The following VIL1 variants were observed in gnomAD, a reference collection of about 807,000 sequenced individuals.
VIL1 encodes the protein villin 1, also known as villin-1.
A neutral mutation model predicts 104.0 loss-of-function variants in VIL1; 86 were observed. The observed-to-expected ratio is 0.83, with a 90% CI of 0.69 to 0.99. The LOEUF (loss-of-function observed/expected upper bound fraction) is 0.99. Ranked by LOEUF, VIL1 falls within the 50% of genes least tolerant of loss-of-function variation. The pLI, the probability that VIL1 is intolerant of heterozygous loss-of-function variation, is 0.00. For synonymous variants in VIL1, 394 were observed against 412.6 expected (o/e 0.95, Z 0.55); for missense variants, 944 against 1,054.1 (o/e 0.90, Z 1.45).
At chr2:218,446,978 G>T (rs972668557) in intron 19 of VIL1, among the ~76,000 whole-genome samples, 1 of 151,998 alleles carries the variant, frequency 6.6e-6, no homozygotes, top group African/African-American at 2.4e-5. Flanking sequence ...TGGTCAGGCT[G>T]GTCTCGAACT....
intron 19 of VIL1, among the ~76,000 whole-genome samples, chr2:218,448,282 T>C (rs1689399217): frequency 6.6e-6 from 1 of 150,784 alleles, no homozygotes; most frequent in Non-Finnish European, 1.5e-5. Flanking sequence ...CAAAAAACAA[T>C]GGCCAGGCAT....
chr2:218,450,553 CAAT>C lies in VIL1; in HGVS notation c.*1218_*1220del, dbSNP rs1190211733. On this transcript the variant is annotated 3_prime_UTR_variant, in exon 20 of 20. Coordinates refer to ENST00000248444, the MANE Select transcript of VIL1 (RefSeq NM_007127.3). ...TCTCTCCTTAAGTTTAAAGAAACAA[CAAT>C]GACAATAGGCCAGAGAAGTTAGGGA... 4 of 152,568 alleles carry C rather than the reference CAAT, an allele frequency of 2.6e-5. No individual in the cohort carries two copies. The highest frequency in any genetic ancestry group is 3.8e-4 in the East Asian group (2 of 5,208). The allele number at this position is 152,568 out of a possible 1,614,324, so 9.5% of individuals were successfully genotyped here.
chr2:218,430,711 C>G lies in VIL1; in HGVS notation c.949-14C>G. The G allele has an allele frequency of 6.4e-7, 1 of 1,567,672 alleles. No individual in the cohort carries two copies. The highest frequency in any genetic ancestry group is 8.7e-7 in the Non-Finnish European group (1 of 1,154,842). ...GGGAGGTGCATAGCTTCCAGCCACC[C>G]CTTTCTCTTCCAGAACTTCATCAAA... On this transcript the variant is annotated splice_polypyrimidine_tract_variant and intron_variant, in intron 9 of 19. Transcript: ENST00000248444.
At chr2:218,434,422 A>G (rs1689151631) in intron 13 of VIL1, 104 bp from the exon 14 acceptor site, 4 of 1,205,174 alleles carry the variant, frequency 3.3e-6, no homozygotes, top group Non-Finnish European at 3.5e-6. Flanking sequence ...AGAGGAGCTC[A>G]GGGGCAAACC....
chr2:218,445,257 C>T (rs1453985368), intron 19 of VIL1, among the ~76,000 whole-genome samples: 3 of 151,928 alleles, frequency 2.0e-5, no homozygotes, highest in Non-Finnish European at 2.9e-5. Flanking sequence ...AAAATTAGCC[C>T]GGTGTGGTGG....
chr2:218,443,356 C>T (rs1689314293), intron 19 of VIL1, among the ~76,000 whole-genome samples: 1 of 151,964 alleles, frequency 6.6e-6, no homozygotes, highest in Non-Finnish European at 1.5e-5. Flanking sequence ...CACCACCACG[C>T]CTGTCTAATT....
At chr2:218,444,810 G>A (rs1689339486) in intron 19 of VIL1, among the ~76,000 whole-genome samples, 1 of 152,206 alleles carries the variant, frequency 6.6e-6, no homozygotes, top group African/African-American at 2.4e-5. Context: ...ATGTAGGCAT[G>A]GGTGAGGCTG....
chr2:218,445,354 T>C (rs982262282), intron 19 of VIL1, among the ~76,000 whole-genome samples: 15 of 152,188 alleles, frequency 9.9e-5, no homozygotes. Context: ...TGATCTGTGA[T>C]TGTGTCACCA....
At chr2:218,428,365 C>T (rs745411653) in intron 6 of VIL1, 28 bp downstream of exon 6, 12 of 1,591,344 alleles carry the variant, frequency 7.5e-6, no homozygotes, top group African/African-American at 1.3e-5. Context: ...CCACACCTCC[C>T]TCTCGAATCC....
chr2:218,420,778 G>T (rs1383515737), intron 1 of VIL1, among the ~76,000 whole-genome samples: 1 of 151,980 alleles, frequency 6.6e-6, no homozygotes, highest in African/African-American at 2.4e-5. Flanking sequence ...GTAGAGACAG[G>T]GTTTCACCGT....
chr2:218,441,296 T>A (rs919491275), intron 19 of VIL1, among the ~76,000 whole-genome samples: 1 of 150,394 alleles, frequency 6.6e-6, no homozygotes, highest in Non-Finnish European at 1.5e-5. Flanking sequence ...GGCTGAGCCA[T>A]GAGAATTGCT....
At chr2:218,433,291 C>T (rs763678214) in intron 13 of VIL1, among the ~76,000 whole-genome samples, 3 of 151,920 alleles carry the variant, frequency 2.0e-5, no homozygotes, top group Non-Finnish European at 4.4e-5. Context: ...AAAAATTAGC[C>T]AGGCATGATG....
chr2:218,431,173 C>T (rs998527835), intron 10 of VIL1: 7 of 512,010 alleles, frequency 1.4e-5, no homozygotes, highest in Middle Eastern at 3.4e-4. Flanking sequence ...GGTGAAACCC[C>T]GTCTCTACTG....
intron 19 of VIL1, among the ~76,000 whole-genome samples, chr2:218,442,744 T>C (rs1272824524): frequency 4.6e-5 from 7 of 152,184 alleles, no homozygotes; most frequent in Admixed American, 4.6e-4. Context: ...AGTCATAAAG[T>C]AGTCTTACAA....
intron 18 of VIL1, 108 bp downstream of exon 18, chr2:218,438,834 C>T: frequency 1.2e-6 from 1 of 857,450 alleles, no homozygotes; most frequent in Non-Finnish European, 1.8e-6. Flanking sequence ...GCTTTCCCTC[C>T]TATTTCTCCC....
intron 1 of VIL1, among the ~76,000 whole-genome samples, chr2:218,419,857 G>GCAGACCAGGCTCTGAGGA (rs1688870244): frequency 6.6e-6 from 1 of 152,234 alleles, no homozygotes; most frequent in Non-Finnish European, 1.5e-5. Flanking sequence ...GGAGCTAGCT[G>GCAGACCAGGCTCTGAGGA]CAGACCAGGC....
Position 218,432,835 on chromosome 2 carries a change from C to T in VIL1, c.1384C>T (p.Gln462Ter), listed in dbSNP as rs768366619. ...SQDEITASAY[Q>*]AVILDQKYNG... Reference sequence around the variant, plus strand: ...AGATGAAATTACAGCATCAGCTTATCAAGCCGTCATCCTGGACCAGAAGTA... The same window carrying T: ...AGATGAAATTACAGCATCAGCTTATTAAGCCGTCATCCTGGACCAGAAGTA... Residue 462 changes from glutamine to a stop codon, truncating the protein, a stop_gained, in exon 13 of 20, where the codon CAA (glutamine) becomes TAA (stop). Coordinates refer to ENST00000248444, the MANE Select transcript of VIL1 (RefSeq NM_007127.3). LOFTEE classifies it high-confidence loss of function. 4 of 1,613,648 alleles carry T rather than the reference C, an allele frequency of 2.5e-6. No homozygotes were observed. Among genetic ancestry groups the T allele is most frequent in the South Asian group, 2.2e-5 (2 of 91,042 alleles).
In VIL1 at chr2:218,451,728, G is replaced by GTC. The variant is rs1451510760; in HGVS notation, c.*2394_*2395dup. On this transcript the variant is annotated 3_prime_UTR_variant, in exon 20 of 20. Transcript: ENST00000248444. ...GATCAAGGAGAAAAATAAATGTGTA[G>GTC]TCTAACATTTGCTTTCTGGAGTTAA... The GTC allele has an allele frequency of 6.6e-6, 1 of 152,448 alleles. No individual in the cohort carries two copies. The highest frequency in any genetic ancestry group is 1.5e-5 in the Non-Finnish European group (1 of 68,034). The allele number at this position is 152,448 out of a possible 1,614,324, so 9.4% of individuals were successfully genotyped here.
intron 6 of VIL1, among the ~76,000 whole-genome samples, chr2:218,428,575 A>G (rs1689042526): frequency 6.6e-6 from 1 of 152,214 alleles, no homozygotes; most frequent in African/African-American, 2.4e-5. Context: ...TTAGGGATCC[A>G]GTGGTGAATG....
Sources: allele counts gnomAD v4.1 joint callset (sites outside exome capture counted in the v4.1 genomes callset), GRCh38; gene constraint gnomAD v4.1.1; transcripts MANE v1.5; gene names NCBI Gene and HGNC (gene_info 2026-07-23, HGNC 2026-07-21).